Variants in SMCO4 observed in about 807,000 individuals in gnomAD.
The protein encoded by SMCO4 is single-pass membrane protein with coiled-coil domains 4.
Under a neutral mutation model 3.6 loss-of-function variants are expected in SMCO4, and 4 were observed. That is an observed-to-expected ratio of 1.11 (90% CI 0.54 to 2.53). The LOEUF is 2.53. Ranked by LOEUF, SMCO4 falls within the 30% of genes most tolerant of loss-of-function variation. The pLI is 0.02. For missense variants in SMCO4, 70 were observed against 80.8 expected (o/e 0.87, Z 0.51); for synonymous variants, 36 against 35.3 (o/e 1.02, Z -0.07).
At chr11:93,540,123 T>G (rs1949260173) in intron 1 of SMCO4, among the ~76,000 whole-genome samples, 1 of 152,098 alleles carries the variant, frequency 6.6e-6, no homozygotes, top group Non-Finnish European at 1.5e-5. Flanking sequence ...GTGCTGGGGC[T>G]TAGGGTGGGA....
intron 1 of SMCO4, among the ~76,000 whole-genome samples, chr11:93,534,285 TAC>T (rs1216676086): frequency 8.2e-5 from 12 of 145,596 alleles, no homozygotes; most frequent in South Asian, 4.3e-4. Context: ...TATACATATA[TAC>T]ACACACACAT....
chr11:93,488,401 C>A (rs1252805248), intron 2 of SMCO4, among the ~76,000 whole-genome samples: 2 of 152,122 alleles, frequency 1.3e-5, no homozygotes, highest in African/African-American at 4.8e-5. Context: ...TGTGAAAGGG[C>A]TAAGGCAAGG....
chr11:93,484,991 G>T (rs1185639299), intron 2 of SMCO4, among the ~76,000 whole-genome samples: 1 of 152,156 alleles, frequency 6.6e-6, no homozygotes, highest in Non-Finnish European at 1.5e-5. Flanking sequence ...GATTTTGAAG[G>T]CTTAGTACCA....
intron 1 of SMCO4, among the ~76,000 whole-genome samples, chr11:93,503,126 T>C (rs559936176): frequency 6.6e-6 from 1 of 152,340 alleles, no homozygotes; most frequent in Non-Finnish European, 1.5e-5. Flanking sequence ...GGTCAGGTCC[T>C]GTATCAGTCC....
At chr11:93,529,666 G>T (rs1372261981) in intron 1 of SMCO4, among the ~76,000 whole-genome samples, 1 of 152,242 alleles carries the variant, frequency 6.6e-6, no homozygotes, top group South Asian at 2.1e-4. Context: ...GAAATTAAAT[G>T]TCAACCAAAT....
chr11:93,544,645 T>C (rs1044559185), upstream of SMCO4, among the ~76,000 whole-genome samples: 15 of 152,190 alleles, frequency 9.9e-5, no homozygotes, highest in Non-Finnish European at 1.8e-4. Flanking sequence ...GCTTTTTTTT[T>C]CATTTTTACA....
intron 1 of SMCO4, among the ~76,000 whole-genome samples, chr11:93,534,190 CAAAA>C (rs1168392909): frequency 0.049 from 5,382 of 110,332 alleles, 282 homozygotes; most frequent in Middle Eastern, 0.093. Context: ...GACTCCGTCT[CAAAA>C]AAAAAAAAAA....
rs183999743 is a variant in SMCO4 at position 93,508,676 on chromosome 11, C to T, written c.-153-9328G>A. On this transcript the variant is annotated intron_variant, in intron 1 of 2. Transcript: ENST00000298966. ...GTCTGGAAAATAAAAATAAAGGAGT[C>T]AGCAAAGAGCAATAAACTACAGCAG... 2.6e-3 allele frequency among the ~76,000 whole-genome samples: 393 copies of T among 152,162 alleles called. 1 individual carries two copies. Among genetic ancestry groups the T allele is most frequent in the African/African-American group, 8.8e-3 (364 of 41,506 alleles).
At chr11:93,528,586 G>A (rs1322205080) in intron 1 of SMCO4, among the ~76,000 whole-genome samples, 3 of 152,192 alleles carry the variant, frequency 2.0e-5, no homozygotes, top group African/African-American at 7.2e-5. Context: ...AAAAGTTCAT[G>A]TTCCCTGTGC....
intron 1 of SMCO4, among the ~76,000 whole-genome samples, chr11:93,540,417 A>G (rs1361967165): frequency 6.6e-6 from 1 of 152,222 alleles, no homozygotes; most frequent in East Asian, 1.9e-4. Context: ...CCAGACTCCC[A>G]AGACGCTTGA....
chr11:93,499,219 G>A (rs1181298372), intron 2 of SMCO4, 57 bp downstream of exon 2: 1 of 152,298 alleles, frequency 6.6e-6, no homozygotes, highest in East Asian at 1.9e-4. Flanking sequence ...TGAGAGAAAT[G>A]ACTGGGACAG....
intron 2 of SMCO4, among the ~76,000 whole-genome samples, chr11:93,487,656 G>C (rs753497644): frequency 3.9e-5 from 6 of 152,198 alleles, no homozygotes; most frequent in Non-Finnish European, 8.8e-5. Context: ...AATCAGATAA[G>C]TCACATTTTT....
chr11:93,525,029 G>T (rs970324001), intron 1 of SMCO4, among the ~76,000 whole-genome samples: 2 of 152,172 alleles, frequency 1.3e-5, no homozygotes, highest in Admixed American at 1.3e-4. Context: ...TCTACTCAGA[G>T]GAAGGTTGCA....
chr11:93,514,836 T>A (rs1302041418), intron 1 of SMCO4, among the ~76,000 whole-genome samples: 14 of 152,162 alleles, frequency 9.2e-5, no homozygotes, highest in African/African-American at 3.1e-4. Context: ...GCTAAGGACT[T>A]TAAACACATC....
intron 2 of SMCO4, chr11:93,481,292 C>T (rs774188661): frequency 1.8e-5 from 4 of 220,578 alleles, no homozygotes; most frequent in Non-Finnish European, 3.1e-5. Context: ...AAAACAAATG[C>T]ATCTGTACCC....
intron 1 of SMCO4, among the ~76,000 whole-genome samples, chr11:93,529,732 G>A (rs1410058820): frequency 1.3e-5 from 2 of 152,368 alleles, no homozygotes; most frequent in East Asian, 1.9e-4. Context: ...GATTCCCCCA[G>A]TAACTGGGCA....
In SMCO4 at chr11:93,541,137, T is replaced by C. The variant is rs546541169; in HGVS notation, c.-154+2139A>G. Among the ~76,000 whole-genome samples, 335 of 152,280 alleles carry C rather than the reference T, an allele frequency of 2.2e-3. 2 individuals carry two copies. Among genetic ancestry groups the C allele is most frequent in the South Asian group, 5.0e-3 (24 of 4,822 alleles). On this transcript the variant is annotated intron_variant, in intron 1 of 2. Transcript: ENST00000298966. The stretch of plus-strand genomic sequence containing the variant: ...TCTTCCAGCACCATGGCTTGATCAT[T>C]AATGTGTGGTGTGACCCTGGCCAAG...
chr11:93,514,739 T>A (rs1013675778), intron 1 of SMCO4, among the ~76,000 whole-genome samples: 5 of 152,150 alleles, frequency 3.3e-5, no homozygotes, highest in African/African-American at 1.2e-4. Context: ...CTAGCCTCAT[T>A]CCCTTTAGTT....
upstream of SMCO4, among the ~76,000 whole-genome samples, chr11:93,548,166 G>A (rs539748575): frequency 6.6e-5 from 10 of 152,320 alleles, 1 homozygote; most frequent in South Asian, 1.9e-3. Context: ...CCACAGACAG[G>A]TTTTTCACAA....
Sources: gnomAD v4.1 joint callset for allele counts (sites outside exome capture counted in the v4.1 genomes callset) on GRCh38, gnomAD v4.1.1 for gene constraint, MANE v1.5 for transcripts, NCBI Gene and HGNC (gene_info 2026-07-23, HGNC 2026-07-21) for gene names.